COL21A1: variants seen among roughly 807,000 people sequenced by gnomAD.
COL21A1 encodes the protein collagen alpha-1(XXI) chain.
COL21A1 carries 149 observed loss-of-function variants against 137.9 expected under a neutral mutation model. The ratio of observed to expected loss-of-function variants is 1.08; its 90% CI spans 0.95 to 1.24. COL21A1 has a LOEUF of 1.24. Among genes scored for constraint, COL21A1 ranks in the 50% most tolerant of loss-of-function variants. The probability of loss-of-function intolerance (pLI) is 0.00; values close to 1 mark genes in which losing one functional copy is unlikely to be tolerated. For synonymous variants in COL21A1, 456 were observed against 391.5 expected (o/e 1.16, Z -1.95); for missense variants, 1,167 against 1,158.4 (o/e 1.01, Z -0.11).
At chr6:56,150,892 A>G (rs577443592) in intron 10 of COL21A1, among the ~76,000 whole-genome samples, 1 of 152,342 alleles carries the variant, frequency 6.6e-6, no homozygotes, top group Non-Finnish European at 1.5e-5. Context: ...TCTAATGATC[A>G]GCTTGGGCTT....
intron 1 of COL21A1, among the ~76,000 whole-genome samples, chr6:56,221,215 G>A (rs1366237045): frequency 6.6e-6 from 1 of 152,008 alleles, no homozygotes; most frequent in Non-Finnish European, 1.5e-5. Context: ...TCCCAGATAT[G>A]ACCAAATTTC....
At chr6:56,301,413 T>C (rs1291681169) in intron 1 of COL21A1, among the ~76,000 whole-genome samples, 1 of 152,160 alleles carries the variant, frequency 6.6e-6, no homozygotes, top group Admixed American at 6.5e-5. Flanking sequence ...CCTCCAGACA[T>C]GAATACATTT....
intron 1 of COL21A1, among the ~76,000 whole-genome samples, chr6:56,270,112 AAGACAT>A (rs952987860): frequency 2.0e-5 from 3 of 152,224 alleles, no homozygotes; most frequent in African/African-American, 7.2e-5. Context: ...CCCCACTTAA[AAGACAT>A]AGAGTGGCAA....
chr6:56,283,454 C>T (rs1158775333), intron 1 of COL21A1, among the ~76,000 whole-genome samples: 1 of 152,084 alleles, frequency 6.6e-6, no homozygotes, highest in Non-Finnish European at 1.5e-5. Context: ...GGAACAAAAG[C>T]ATACTTAAAA....
upstream of COL21A1, among the ~76,000 whole-genome samples, chr6:56,249,507 G>A (rs1009923201): frequency 1.3e-5 from 2 of 152,048 alleles, no homozygotes; most frequent in Non-Finnish European, 2.9e-5. Flanking sequence ...GTGTTATATC[G>A]CTACAATGGA....
upstream of COL21A1, among the ~76,000 whole-genome samples, chr6:56,250,085 G>A (rs1421233416): frequency 6.6e-6 from 1 of 152,174 alleles, no homozygotes; most frequent in Non-Finnish European, 1.5e-5. Flanking sequence ...AAACATGTCT[G>A]CACAATCGTT....
intron 12 of COL21A1, among the ~76,000 whole-genome samples, chr6:56,133,197 A>C (rs1773710192): frequency 6.6e-6 from 1 of 152,194 alleles, no homozygotes; most frequent in Non-Finnish European, 1.5e-5. Flanking sequence ...AATGGCTTTG[A>C]CCAAAATGCT....
intron 1 of COL21A1, among the ~76,000 whole-genome samples, chr6:56,392,312 C>T (rs1041392334): frequency 6.6e-6 from 1 of 151,984 alleles, no homozygotes; most frequent in African/African-American, 2.4e-5. Context: ...ATGATAAAAA[C>T]CCTCAGAAAT....
At chr6:56,120,522 G>T (rs1046547565) in intron 16 of COL21A1, among the ~76,000 whole-genome samples, 1 of 152,150 alleles carries the variant, frequency 6.6e-6, no homozygotes, top group Non-Finnish European at 1.5e-5. Flanking sequence ...TGGGTTAGGC[G>T]CAGTGGCTCA....
At chr6:56,137,143 A>G (rs1458511053) in intron 12 of COL21A1, among the ~76,000 whole-genome samples, 2 of 152,202 alleles carry the variant, frequency 1.3e-5, no homozygotes, top group Non-Finnish European at 2.9e-5. Context: ...TTCATTTTTC[A>G]GTTCTCCAAA....
In COL21A1 at chr6:56,268,111, G is replaced by A. The variant is rs148326580; in HGVS notation, c.-38-85455C>T. Among the ~76,000 whole-genome samples the A allele has an allele frequency of 6.7e-3, 1,016 of 152,256 alleles. 9 individuals are homozygous for A. Among genetic ancestry groups the A allele is most frequent in the African/African-American group, 0.023 (937 of 41,540 alleles). On this transcript the variant is annotated intron_variant, in intron 1 of 28. Transcript: ENST00000370819. Reference sequence around the variant, plus strand: ...CTGAGCTGGAAGTGTCAATTCAAGCGGAGATGTGTGGTGAGAACTAAAGCA... The same window carrying A: ...CTGAGCTGGAAGTGTCAATTCAAGCAGAGATGTGTGGTGAGAACTAAAGCA...
chr6:56,294,028 A>C (rs2152336069), intron 1 of COL21A1, among the ~76,000 whole-genome samples: 1 of 152,308 alleles, frequency 6.6e-6, no homozygotes, highest in South Asian at 2.1e-4. Flanking sequence ...TAATTAAAAT[A>C]AAACCACAAA....
intron 10 of COL21A1, among the ~76,000 whole-genome samples, chr6:56,149,579 A>G (rs554885176): frequency 1.6e-4 from 25 of 152,318 alleles, no homozygotes; most frequent in Non-Finnish European, 3.4e-4. Flanking sequence ...TTGAATGACT[A>G]ACATATAAAT....
rs188286564 is a variant in COL21A1, at chr6:56,346,283, G to C, written c.-39+47688C>G. 2.6e-5 allele frequency among the ~76,000 whole-genome samples: 4 copies of C among 152,328 alleles called. No individual in the cohort carries two copies. The East Asian group carries it at 7.7e-4, about 29-fold the overall frequency. ...GACTTCTAATCCTGTACATTGGTTTGTCTATTGACCATAGATTGGTTTGCC... is the reference window on the plus strand; with the variant it reads ...GACTTCTAATCCTGTACATTGGTTTCTCTATTGACCATAGATTGGTTTGCC... On this transcript the variant is annotated intron_variant, in intron 1 of 28. Coordinates refer to the COL21A1 transcript ENST00000370819.
intron 1 of COL21A1, among the ~76,000 whole-genome samples, chr6:56,277,598 T>TTA (rs764745645): frequency 6.6e-6 from 1 of 152,200 alleles, no homozygotes; most frequent in Non-Finnish European, 1.5e-5. Flanking sequence ...GCACCATAAT[T>TTA]TATAAAAATA....
chr6:56,058,211 G>A (rs564076629), intron 29 of COL21A1, among the ~76,000 whole-genome samples: 6 of 151,990 alleles, frequency 3.9e-5, no homozygotes, highest in African/African-American at 1.2e-4. Context: ...TGATACCTAC[G>A]TAAGCCAAAG....
intron 1 of COL21A1, among the ~76,000 whole-genome samples, chr6:56,333,173 AGT>A (rs1765267784): frequency 6.7e-6 from 1 of 149,162 alleles, no homozygotes; most frequent in African/African-American, 2.5e-5. Context: ...CAATTTGATA[AGT>A]TTTGATAAAT....
intron 17 of COL21A1, among the ~76,000 whole-genome samples, chr6:56,086,529 T>C (rs1400661591): frequency 2.6e-5 from 4 of 152,108 alleles, no homozygotes; most frequent in Admixed American, 6.6e-5. Flanking sequence ...ATATCTACTA[T>C]TCATTAAGTG....
intron 10 of COL21A1, among the ~76,000 whole-genome samples, chr6:56,149,314 T>TTACA (rs1419986612): frequency 6.6e-6 from 1 of 152,078 alleles, no homozygotes; most frequent in Non-Finnish European, 1.5e-5. Context: ...AAAGAAAACA[T>TTACA]TACATTCTGG....
Sources: allele counts gnomAD v4.1 joint callset (sites outside exome capture counted in the v4.1 genomes callset), GRCh38; gene constraint gnomAD v4.1.1; transcripts MANE v1.5; gene names NCBI Gene and HGNC (gene_info 2026-07-23, HGNC 2026-07-21).